The following COL5A2 variants were observed in gnomAD, a reference collection of about 807,000 sequenced individuals.
The protein encoded by COL5A2 is collagen type V alpha 2 chain, also known as collagen alpha-2(V) chain.
Under a neutral mutation model 208.2 loss-of-function variants are expected in COL5A2, and 23 were observed. The ratio of observed to expected loss-of-function variants is 0.11; its 90% CI spans 0.08 to 0.16. The LOEUF is 0.16. COL5A2 is among the 10% of genes least tolerant of loss of function. The pLI is 1.00. For synonymous variants in COL5A2, 625 were observed against 628.5 expected (o/e 0.99, Z 0.08); for missense variants, 1,590 against 1,956.4 (o/e 0.81, Z 3.53).
At chr2:189,220,115 C>T (rs1689329144) in intron 1 of COL5A2, among the ~76,000 whole-genome samples, 1 of 152,134 alleles carries the variant, frequency 6.6e-6, no homozygotes, top group African/African-American at 2.4e-5. Context: ...AGGACATGAC[C>T]TCAGGTGAAG....
At chr2:189,069,331 C>T (rs898404809) in intron 18 of COL5A2, among the ~76,000 whole-genome samples, 3 of 152,130 alleles carry the variant, frequency 2.0e-5, no homozygotes, top group African/African-American at 7.2e-5. Context: ...TCTTAAATAT[C>T]TTTTATTTAA....
chr2:189,300,330 T>C, the COL5A2 span, among the ~76,000 whole-genome samples: 9 of 152,224 alleles, frequency 5.9e-5, no homozygotes, highest in Non-Finnish European at 1.3e-4. Flanking sequence ...AATCAGAAAT[T>C]ACACCAGAAA....
At chr2:189,337,435 G>C in the COL5A2 span, among the ~76,000 whole-genome samples, 3 of 152,028 alleles carry the variant, frequency 2.0e-5, no homozygotes, top group African/African-American at 7.2e-5. Flanking sequence ...GCCCGCCTCG[G>C]CCTCCCAAAG....
rs1008978987 is a variant in COL5A2 at position 189,068,092 on chromosome 2, G to A, written c.1324C>T (p.Pro442Ser). 6.2e-7 allele frequency: 1 copy of A among 1,613,850 alleles called. No individual in the cohort carries two copies. The highest frequency in any genetic ancestry group is 8.5e-7 in the Non-Finnish European group (1 of 1,179,920). Reference sequence around the variant, plus strand: ...CCAGGAGGCCCTGCTGAGCCAGGAGGACCAGAGGTACCTGGAGAGCCCTAT... The same window carrying A: ...CCAGGAGGCCCTGCTGAGCCAGGAGAACCAGAGGTACCTGGAGAGCCCTAT... The part of the protein sequence containing the change: ...GPTGSPGTSG[P>S]PGSAGPPGSP... The change falls in exon 21 of 54, where the codon CCT becomes TCT. Residue 442 changes from proline to serine, a missense_variant. Pro to Ser is a moderately conservative substitution (Grantham distance 74, BLOSUM62 -1). Transcript: ENST00000374866.
the COL5A2 span, among the ~76,000 whole-genome samples, chr2:189,403,136 A>G: frequency 6.6e-6 from 1 of 152,116 alleles, no homozygotes; most frequent in African/African-American, 2.4e-5. Flanking sequence ...CACCCTGGTG[A>G]GCTGCATTCC....
chr2:189,235,596 T>G, the COL5A2 span, among the ~76,000 whole-genome samples: 2 of 151,870 alleles, frequency 1.3e-5, no homozygotes, highest in African/African-American at 4.8e-5. Flanking sequence ...CTTCTTTTAG[T>G]CAGCATTATA....
At chr2:189,339,445 G>A in the COL5A2 span, among the ~76,000 whole-genome samples, 1 of 151,878 alleles carries the variant, frequency 6.6e-6, no homozygotes, top group African/African-American at 2.4e-5. Flanking sequence ...TTCACTTGAT[G>A]CTCAGATCAT....
chr2:189,428,627 AT>A, the COL5A2 span, among the ~76,000 whole-genome samples: 1,883 of 152,082 alleles, frequency 0.012, 46 homozygotes, highest in African/African-American at 0.043. Context: ...GAAAAAAAAA[AT>A]AAAAAAGTAT....
intron 1 of COL5A2, among the ~76,000 whole-genome samples, chr2:189,206,507 A>T (rs116414607): frequency 3.5e-4 from 54 of 152,324 alleles, no homozygotes; most frequent in African/African-American, 1.3e-3. Flanking sequence ...GAATATAAGA[A>T]GTTTCTTCTC....
chr2:189,052,293 AT>A lies in COL5A2; in HGVS notation c.2716-69del, dbSNP rs1039852847. ...AATTAGTTACATGTATTTTCCTGGGATTTTTTTTCACAGGAAGACTGAAGCC... is the reference window on the plus strand; with the variant it reads ...AATTAGTTACATGTATTTTCCTGGGATTTTTTTCACAGGAAGACTGAAGCC... On this transcript the variant is annotated intron_variant, in intron 40 of 53. Transcript: ENST00000374866. The A allele has an allele frequency of 1.8e-5, 27 of 1,468,626 alleles. No homozygotes were observed. In the East Asian group the frequency reaches 2.5e-4, roughly 14 times the overall value. The allele number at this position is 1,468,626 out of a possible 1,614,324, so 91.0% of individuals were successfully genotyped here. A position where few individuals can be genotyped will look rare whatever the true frequency, so the allele number is the denominator to read the frequency against.
rs564899273 is a variant in COL5A2, at chr2:189,224,162, T to C, written c.-42+986A>G. Among the ~76,000 whole-genome samples the C allele has an allele frequency of 4.0e-3, 386 of 95,700 alleles. 2 individuals carry two copies. Among genetic ancestry groups the C allele is most frequent in the African/African-American group, 0.011 (372 of 33,288 alleles). The allele number at this position is 95,700 out of a possible 152,430, so 62.8% of individuals were successfully genotyped here. Reference sequence around the variant, plus strand: ...CTGTTGTGAAGAGGTAAACTGGGGATAAAATCTAAAAAAAAAAGTTTCTTC... The same window carrying C: ...CTGTTGTGAAGAGGTAAACTGGGGACAAAATCTAAAAAAAAAAGTTTCTTC... On this transcript the variant is annotated intron_variant, in intron 1 of 10. Transcript: ENST00000649966.
intron 1 of COL5A2, among the ~76,000 whole-genome samples, chr2:189,174,365 G>C (rs4516461): frequency 4.9e-4 from 75 of 152,336 alleles, no homozygotes; most frequent in African/African-American, 1.6e-3. Context: ...TCCACCATGA[G>C]GGGTATTTGG....
chr2:189,363,436 T>A, the COL5A2 span, among the ~76,000 whole-genome samples: 2 of 151,772 alleles, frequency 1.3e-5, no homozygotes, highest in African/African-American at 4.9e-5. Flanking sequence ...TTTTTTCTCC[T>A]TAATTAATGT....
chr2:189,133,085 C>T (rs996470715), intron 1 of COL5A2: 1 of 148,428 alleles, frequency 6.7e-6, no homozygotes, highest in African/African-American at 2.5e-5. Flanking sequence ...AACAGGCAAA[C>T]CAATCTCTAC....
At chr2:189,068,325 A>G in intron 19 of COL5A2, 55 bp from the exon 20 acceptor site, 1 of 1,395,048 alleles carries the variant, frequency 7.2e-7, no homozygotes. Flanking sequence ...ATAGATACAA[A>G]TGTGCTAGTA....
chr2:189,192,104 CA>C (rs1187870220), intron 1 of COL5A2, among the ~76,000 whole-genome samples: 1 of 152,168 alleles, frequency 6.6e-6, no homozygotes, highest in Admixed American at 6.5e-5. Flanking sequence ...CCTGCATCAA[CA>C]CAGCAGAGAA....
At chr2:189,382,275 C>T in the COL5A2 span, among the ~76,000 whole-genome samples, 14 of 152,126 alleles carry the variant, frequency 9.2e-5, no homozygotes, top group Non-Finnish European at 1.6e-4. Flanking sequence ...AAGGATCACC[C>T]GAGCCCGGGG....
the COL5A2 span, among the ~76,000 whole-genome samples, chr2:189,249,259 T>C: frequency 6.6e-6 from 1 of 152,188 alleles, no homozygotes; most frequent in Non-Finnish European, 1.5e-5. Context: ...ACATGTCATA[T>C]TGAAATAAGG....
At chr2:189,428,204 A>C in the COL5A2 span, among the ~76,000 whole-genome samples, 1 of 152,162 alleles carries the variant, frequency 6.6e-6, no homozygotes, top group Non-Finnish European at 1.5e-5. Flanking sequence ...TCTCATGTTA[A>C]AATATAATCC....
Sources: gnomAD v4.1 joint callset for allele counts (sites outside exome capture counted in the v4.1 genomes callset) on GRCh38, gnomAD v4.1.1 for gene constraint, MANE v1.5 for transcripts, NCBI Gene and HGNC (gene_info 2026-07-23, HGNC 2026-07-21) for gene names.